The following N4BP2 variants were observed in gnomAD, a reference collection of about 807,000 sequenced individuals.
N4BP2 encodes the protein NEDD4 binding protein 2.
A neutral mutation model predicts 152.8 loss-of-function variants in N4BP2; 91 were observed. The ratio of observed to expected loss-of-function variants is 0.60; its 90% CI spans 0.50 to 0.71. The LOEUF (loss-of-function observed/expected upper bound fraction) is 0.71. N4BP2 is among the 30% of genes least tolerant of loss of function. The pLI, the probability that N4BP2 is intolerant of heterozygous loss-of-function variation, is 0.00. For missense variants in N4BP2, 1,923 were observed against 2,059.1 expected (o/e 0.93, Z 1.28); for synonymous variants, 646 against 705.3 (o/e 0.92, Z 1.33).
At chr4:40,183,882 C>G in the N4BP2 span, among the ~76,000 whole-genome samples, 3 of 152,172 alleles carry the variant, frequency 2.0e-5, no homozygotes, top group Non-Finnish European at 4.4e-5. Flanking sequence ...TTCAAGGCAT[C>G]TAATTCTCCA....
In N4BP2 at chr4:40,120,044, A is replaced by G; in HGVS notation, c.1933A>G (p.Met645Val). The G allele has an allele frequency of 1.2e-6, 2 of 1,606,762 alleles. No homozygotes were observed. Among genetic ancestry groups the G allele is most frequent in the Non-Finnish European group, 1.7e-6 (2 of 1,173,812 alleles). Residue 645 changes from methionine to valine, a missense_variant, in exon 9 of 18, where the codon ATG becomes GTG. Coordinates refer to ENST00000261435, the MANE Select transcript of N4BP2 (RefSeq NM_018177.6). ...GAATCTTGATGTAACCAAAGAAACA[A>G]TGTTACCTGAGAATGTTGCATATCT... ...EKNLDVTKET[M>V]LPENVAYLSN...
In N4BP2 at chr4:40,097,472, A is replaced by T; in HGVS notation, c.132A>T (p.Lys44Asn). 2 of 1,614,060 alleles carry T rather than the reference A, an allele frequency of 1.2e-6. No individual in the cohort carries two copies. The highest frequency in any genetic ancestry group is 2.2e-5 in the South Asian group (2 of 91,082). ...TTTLPSMGET[K>N]VDQEELFTSI... ...CTCTACCTTCCATGGGTGAGACAAA[A>T]GTTGATCAGGAAGAACTCTTCACCA... The change falls in exon 3 of 18, where the codon AAA (lysine) becomes AAT (asparagine). Residue 44 changes from lysine (K) to asparagine (N), a missense_variant. By Grantham distance (94) the Lys-to-Asn change is moderately conservative. Coordinates refer to ENST00000261435, the MANE Select transcript of N4BP2 (RefSeq NM_018177.6).
the N4BP2 span, among the ~76,000 whole-genome samples, chr4:40,187,876 A>T: frequency 6.6e-6 from 1 of 152,242 alleles, no homozygotes; most frequent in Non-Finnish European, 1.5e-5. Context: ...GTGATAGCTA[A>T]TAAAAATGGC....
intron 14 of N4BP2, among the ~76,000 whole-genome samples, chr4:40,141,173 G>A (rs1483717031): frequency 3.3e-5 from 5 of 152,014 alleles, no homozygotes; most frequent in African/African-American, 4.8e-5. Flanking sequence ...CAGCCGGGCA[G>A]AGGCGCCCCT....
intron 2 of N4BP2, chr4:40,078,113 A>ATGTGTGTGTGTGTGTGTGTG (rs71194969): frequency 1.4e-5 from 2 of 142,640 alleles, no homozygotes; most frequent in African/African-American, 5.1e-5. Context: ...ATATTTCTAA[A>ATGTGTGTGTGTGTGTGTGTG]TGTGTGTGTG....
the N4BP2 span, among the ~76,000 whole-genome samples, chr4:40,188,599 CTGGGCGGGGTGGTG>C: frequency 1.3e-5 from 2 of 151,922 alleles, no homozygotes; most frequent in African/African-American, 2.4e-5. Flanking sequence ...CAAAAATTAG[CTGGGCGGGGTGGTG>C]TGTGCCTGTG....
chr4:40,172,098 G>C, the N4BP2 span, among the ~76,000 whole-genome samples: 2 of 152,056 alleles, frequency 1.3e-5, no homozygotes, highest in Non-Finnish European at 2.9e-5. Flanking sequence ...AGTAGAGATG[G>C]GGTTTCATCA....
rs1721648038 is a variant in N4BP2 at position 40,156,950 on chromosome 4, A to G, written c.*2713A>G. The G allele has an allele frequency of 6.6e-6, 1 of 152,176 alleles. No individual in the cohort carries two copies. Among genetic ancestry groups the G allele is most frequent in the South Asian group, 2.1e-4 (1 of 4,824 alleles). 9.4% of individuals were successfully genotyped at this position (152,176 alleles called of 1,614,324 possible). A position where few individuals can be genotyped will look rare whatever the true frequency, so the allele number is the denominator to read the frequency against. Reference sequence around the variant, plus strand: ...AGTAGGGGATACTCACTCAACCTGTATATTTGTGCTAATACATGACTCATT... The same window carrying G: ...AGTAGGGGATACTCACTCAACCTGTGTATTTGTGCTAATACATGACTCATT... On this transcript the variant is annotated 3_prime_UTR_variant, in exon 18 of 18. Coordinates refer to ENST00000261435, the MANE Select transcript of N4BP2 (RefSeq NM_018177.6).
intron 14 of N4BP2, among the ~76,000 whole-genome samples, chr4:40,140,939 AAG>A (rs1399320975): frequency 1.9e-4 from 29 of 150,182 alleles, no homozygotes; most frequent in African/African-American, 6.8e-4. Context: ...CCCAAGGCAG[AAG>A]AATTTTTCTT....
At position 40,105,894 on chromosome 4, in the gene N4BP2, C is replaced by T. The variant is rs573084491; in HGVS notation, c.1374-1006C>T. ...ATAGCTGAGATATATACATGTTTAA[C>T]GGTAAAAAAGGAAGTGTCAGAGAAG... On this transcript the variant is annotated intron_variant, in intron 4 of 17. Transcript: ENST00000261435. 1.2e-3 allele frequency among the ~76,000 whole-genome samples: 184 copies of T among 151,960 alleles called. 1 individual carries two copies. Among genetic ancestry groups the T allele is most frequent in the African/African-American group, 4.0e-3 (166 of 41,442 alleles).
At chr4:40,105,253 G>A (rs1716147251) in intron 4 of N4BP2, among the ~76,000 whole-genome samples, 1 of 152,102 alleles carries the variant, frequency 6.6e-6, no homozygotes, top group Non-Finnish European at 1.5e-5. Flanking sequence ...GGTTTAACAA[G>A]CTCTGATGAT....
chr4:40,179,261 T>C, the N4BP2 span, among the ~76,000 whole-genome samples: 1 of 152,010 alleles, frequency 6.6e-6, no homozygotes. Context: ...TCCCAGCTAC[T>C]TGGGAGGCTG....
the N4BP2 span, among the ~76,000 whole-genome samples, chr4:40,181,841 A>G: frequency 6.6e-6 from 1 of 152,154 alleles, no homozygotes; most frequent in East Asian, 1.9e-4. Context: ...CCCAACTACT[A>G]TGGAGGCTGA....
intron 16 of N4BP2, among the ~76,000 whole-genome samples, chr4:40,146,096 G>C (rs903545720): frequency 3.3e-5 from 5 of 152,098 alleles, no homozygotes; most frequent in Non-Finnish European, 1.5e-5. Context: ...CCTGGAGGCG[G>C]AGGTTGCAGT....
chr4:40,120,097 A>G lies in N4BP2; in HGVS notation c.1986A>G (p.Arg662=). The G allele has an allele frequency of 1.2e-6, 2 of 1,612,036 alleles. No homozygotes were observed. The highest frequency in any genetic ancestry group is 1.1e-5 in the South Asian group (1 of 90,870). ...CTAATGCAGATTTAAACAAAAGAAG[A>G]AAAGAAATAAGTGATATGAATCCTA... ...YLSNADLNKR[R]KEISDMNPSI... is the part of the protein sequence containing the mutation. Residue 662 remains arginine, a synonymous_variant, in exon 9 of 18, where the codon AGA becomes AGG. Coordinates refer to ENST00000261435, the MANE Select transcript of N4BP2 (RefSeq NM_018177.6).
chr4:40,149,220 T>C (rs770364088), intron 16 of N4BP2, among the ~76,000 whole-genome samples: 1 of 152,198 alleles, frequency 6.6e-6, no homozygotes, highest in Non-Finnish European at 1.5e-5. Flanking sequence ...AACTGATGAA[T>C]AGAGAAACAA....
intron 2 of N4BP2, among the ~76,000 whole-genome samples, chr4:40,094,940 A>G (rs949734768): frequency 5.3e-5 from 8 of 151,716 alleles, no homozygotes; most frequent in African/African-American, 9.7e-5. Flanking sequence ...ACTACAGGTT[A>G]GTTCTTTTTG....
At position 40,120,338 on chromosome 4, in the gene N4BP2, G is replaced by A. The variant is rs761219195; in HGVS notation, c.2227G>A (p.Gly743Arg). 9 of 1,612,842 alleles carry A rather than the reference G, an allele frequency of 5.6e-6. No individual in the cohort carries two copies. In the South Asian group the frequency reaches 9.9e-5, roughly 18 times the overall value. ...AGAAGACTGTGATCTTGCAAATAGT[G>A]GACCACTTCAAAATGAAAAATCCTC... Reference protein sequence around the residue: ...NQEDCDLANSGPLQNEKSSPG... With the variant: ...NQEDCDLANSRPLQNEKSSPG... The change falls in exon 9 of 18, where the codon GGA becomes AGA. Residue 743 changes from glycine (G) to arginine (R), a missense_variant. Physicochemically the swap from Gly to Arg is moderately radical, Grantham distance 125. Coordinates refer to ENST00000261435, the MANE Select transcript of N4BP2 (RefSeq NM_018177.6).
intron 3 of N4BP2, among the ~76,000 whole-genome samples, chr4:40,098,107 T>G (rs1287684026): frequency 6.6e-6 from 1 of 152,248 alleles, no homozygotes; most frequent in Non-Finnish European, 1.5e-5. Flanking sequence ...CTCCTGTATC[T>G]TCAGCCCGTA....
Sources: allele counts gnomAD v4.1 joint callset (sites outside exome capture counted in the v4.1 genomes callset), GRCh38; gene constraint gnomAD v4.1.1; transcripts MANE v1.5; gene names NCBI Gene and HGNC (gene_info 2026-07-23, HGNC 2026-07-21).